The following SPOCK1 variants were observed in gnomAD, a reference collection of about 807,000 sequenced individuals.
The protein encoded by SPOCK1 is testican-1.
SPOCK1 carries 23 observed loss-of-function variants against 55.3 expected under a neutral mutation model. The ratio of observed to expected loss-of-function variants is 0.42; its 90% CI spans 0.30 to 0.59. The LOEUF is 0.59. Among genes scored for constraint, SPOCK1 ranks in the 20% least tolerant of loss-of-function variants. SPOCK1 has a pLI of 0.22. For missense variants in SPOCK1, 499 were observed against 552.5 expected, an observed-to-expected ratio of 0.90 and a Z score of 0.97; for synonymous variants, 226 against 221.0, an observed-to-expected ratio of 1.02 and a Z score of -0.20.
chr5:137,114,061 G>T (rs1353512465), intron 4 of SPOCK1, among the ~76,000 whole-genome samples: 1 of 152,112 alleles, frequency 6.6e-6, no homozygotes, highest in Non-Finnish European at 1.5e-5. Flanking sequence ...GGTCTGTTTG[G>T]GGAACAACCT....
At chr5:137,473,055 G>A (rs1273034857) in intron 2 of SPOCK1, among the ~76,000 whole-genome samples, 2 of 152,170 alleles carry the variant, frequency 1.3e-5, no homozygotes, top group African/African-American at 4.8e-5. Flanking sequence ...GGCAATTGCT[G>A]ACAAACCTGC....
chr5:137,273,481 C>T lies in SPOCK1; in HGVS notation c.187-6426G>A, dbSNP rs993833350. ...ATTTTTGATAATTGCATCAAATTTT[C>T]AAATTATCATAACATTAGAAAGGTC... On this transcript the variant is annotated intron_variant, in intron 2 of 10. Coordinates refer to ENST00000394945, the MANE Select transcript of SPOCK1 (RefSeq NM_004598.4). The T allele has an allele frequency of 2.0e-5, 13 of 654,078 alleles. No individual in the cohort carries two copies. The African/African-American group carries it at 2.4e-4, about 12-fold the overall frequency. The allele number at this position is 654,078 out of a possible 1,614,324, so 40.5% of individuals were successfully genotyped here.
intron 5 of SPOCK1, among the ~76,000 whole-genome samples, chr5:137,111,377 A>G (rs920318646): frequency 2.0e-5 from 3 of 152,172 alleles, no homozygotes. Context: ...AAACAGGAAG[A>G]CAGATGAAAA....
At chr5:137,420,416 C>T (rs1394558378) in intron 2 of SPOCK1, among the ~76,000 whole-genome samples, 1 of 152,128 alleles carries the variant, frequency 6.6e-6, no homozygotes, top group African/African-American at 2.4e-5. Context: ...GCTGTGAATC[C>T]ATCTGGTCCT....
At chr5:137,434,946 G>T (rs1752828480) in intron 2 of SPOCK1, among the ~76,000 whole-genome samples, 1 of 152,082 alleles carries the variant, frequency 6.6e-6, no homozygotes, top group Non-Finnish European at 1.5e-5. Flanking sequence ...GTTCAAAGAA[G>T]AAAATATGGA....
chr5:137,416,805 A>G (rs1381854609), intron 2 of SPOCK1, among the ~76,000 whole-genome samples: 1 of 152,146 alleles, frequency 6.6e-6, no homozygotes. Context: ...ACTATCATGA[A>G]GGTGAAATAG....
chr5:137,146,097 C>T (rs369315338), intron 3 of SPOCK1, among the ~76,000 whole-genome samples: 1 of 152,126 alleles, frequency 6.6e-6, no homozygotes, highest in African/African-American at 2.4e-5. Flanking sequence ...AGAGGGAACC[C>T]TAAATATGCA....
chr5:137,314,020 C>G (rs1220384088), intron 2 of SPOCK1, among the ~76,000 whole-genome samples: 1 of 151,330 alleles, frequency 6.6e-6, no homozygotes, highest in Admixed American at 6.6e-5. Context: ...TCCCATCGTC[C>G]TCTCAGAGCT....
intron 2 of SPOCK1, among the ~76,000 whole-genome samples, chr5:137,288,277 G>A (rs773834804): frequency 6.6e-6 from 1 of 152,170 alleles, no homozygotes; most frequent in Non-Finnish European, 1.5e-5. Flanking sequence ...ACAAGTAATG[G>A]CAGCATACCT....
intron 2 of SPOCK1, among the ~76,000 whole-genome samples, chr5:137,417,895 C>G (rs1752378361): frequency 6.6e-6 from 1 of 152,084 alleles, no homozygotes. Flanking sequence ...TATTGGTGTG[C>G]TGCACCCATT....
intron 6 of SPOCK1, among the ~76,000 whole-genome samples, chr5:137,060,478 C>A (rs1170032865): frequency 3.3e-5 from 5 of 151,942 alleles, no homozygotes; most frequent in Non-Finnish European, 5.9e-5. Flanking sequence ...GGGTGAGGAT[C>A]AAAAAATTAC....
At chr5:137,405,778 T>C (rs576053404) in intron 2 of SPOCK1, among the ~76,000 whole-genome samples, 1 of 152,064 alleles carries the variant, frequency 6.6e-6, no homozygotes, top group East Asian at 1.9e-4. Context: ...AGGATATTCC[T>C]TGTGGTTAGA....
At chr5:137,109,881 C>T (rs912213894) in intron 5 of SPOCK1, among the ~76,000 whole-genome samples, 3 of 152,178 alleles carry the variant, frequency 2.0e-5, no homozygotes, top group African/African-American at 7.2e-5. Context: ...ATAGTACTTA[C>T]TAAAATTTGA....
intron 2 of SPOCK1, among the ~76,000 whole-genome samples, chr5:137,271,200 A>G (rs1161589227): frequency 2.0e-5 from 3 of 151,828 alleles, no homozygotes; most frequent in South Asian, 2.1e-4. Context: ...AGATAAAACT[A>G]TATTTCTCCA....
At chr5:137,084,525 G>A (rs1326682166) in intron 5 of SPOCK1, among the ~76,000 whole-genome samples, 8 of 152,002 alleles carry the variant, frequency 5.3e-5, no homozygotes, top group Non-Finnish European at 1.0e-4. Context: ...ATGGAAATGA[G>A]GCCAAGTAGA....
At chr5:136,988,239 A>G (rs1750880293) in intron 8 of SPOCK1, among the ~76,000 whole-genome samples, 183 bp downstream of exon 8, 1 of 152,194 alleles carries the variant, frequency 6.6e-6, no homozygotes, top group African/African-American at 2.4e-5. Flanking sequence ...TGGTTTTTCT[A>G]GTATACCACA....
chr5:137,382,392 G>C (rs1751489884), intron 2 of SPOCK1, among the ~76,000 whole-genome samples: 1 of 152,106 alleles, frequency 6.6e-6, no homozygotes, highest in African/African-American at 2.4e-5. Context: ...ACATTTTCAG[G>C]TATCTTTATA....
Position 137,212,420 on chromosome 5 carries a change from G to A in SPOCK1, c.232+54590C>T, listed in dbSNP as rs112578957. ...GTTTGCAATATATTGCAACTAATAC[G>A]TGAATGATGGTGCAATTTCTTAGAA... On this transcript the variant is annotated intron_variant, in intron 3 of 10. Transcript: ENST00000394945. 5.3e-3 allele frequency among the ~76,000 whole-genome samples: 812 copies of A among 152,204 alleles called. 5 individuals are homozygous for A. The highest frequency in any genetic ancestry group is 6.7e-3 in the Non-Finnish European group (456 of 68,012).
chr5:137,001,541 ACCT>A (rs1407577403), intron 6 of SPOCK1, among the ~76,000 whole-genome samples: 1 of 152,108 alleles, frequency 6.6e-6, no homozygotes, highest in African/African-American at 2.4e-5. Flanking sequence ...CCAAGAAAAT[ACCT>A]CCTCCACAAG....
Sources: allele counts gnomAD v4.1 joint callset (sites outside exome capture counted in the v4.1 genomes callset), GRCh38; gene constraint gnomAD v4.1.1; transcripts MANE v1.5; gene names NCBI Gene and HGNC (gene_info 2026-07-23, HGNC 2026-07-21).